Variants in OR2C1 observed in about 807,000 individuals in gnomAD.
OR2C1 encodes olfactory receptor family 2 subfamily C member 1.
For missense variants in OR2C1, 468 were observed against 388.3 expected (o/e 1.21, Z -1.73); for synonymous variants, 209 against 167.3 (o/e 1.25, Z -1.92).
the OR2C1 span, among the ~76,000 whole-genome samples, chr16:3,328,464 C>G: frequency 1.3e-5 from 2 of 152,226 alleles, no homozygotes; most frequent in Non-Finnish European, 2.9e-5. Flanking sequence ...TGTGCTCATT[C>G]ATTCATTCAA....
At chr16:3,325,480 TATATATATATATATATATATATATAC>T in the OR2C1 span, among the ~76,000 whole-genome samples, 2 of 58,072 alleles carry the variant, frequency 3.4e-5, no homozygotes, top group East Asian at 1.0e-3. Context: ...TATATATATA[TATATATATATATATATATATATATAC>T]ACTTTAAAAA....
the OR2C1 span, among the ~76,000 whole-genome samples, chr16:3,326,120 A>G: frequency 1.3e-5 from 2 of 151,768 alleles, no homozygotes; most frequent in African/African-American, 2.4e-5. Context: ...TAGTAGAGAC[A>G]GGGTTTCACC....
the OR2C1 span, among the ~76,000 whole-genome samples, chr16:3,325,125 G>A: frequency 6.6e-6 from 1 of 151,952 alleles, no homozygotes; most frequent in South Asian, 2.1e-4. Context: ...GGGATTACAG[G>A]CACCTGCCAC....
upstream of OR2C1, among the ~76,000 whole-genome samples, chr16:3,353,432 AGTGAGCCGAG>A (rs2030605439): frequency 1.4e-5 from 2 of 145,172 alleles, no homozygotes; most frequent in African/African-American, 5.1e-5. Flanking sequence ...TGGAGGTTGC[AGTGAGCCGAG>A]ATCCCGCCAC....
chr16:3,339,963 A>C, the OR2C1 span, among the ~76,000 whole-genome samples: 1 of 152,024 alleles, frequency 6.6e-6, no homozygotes, highest in East Asian at 1.9e-4. Context: ...GGAAATTTCT[A>C]TCCAAGTATT....
At chr16:3,334,306 T>C in the OR2C1 span, among the ~76,000 whole-genome samples, 1 of 129,134 alleles carries the variant, frequency 7.7e-6, no homozygotes, top group African/African-American at 2.6e-5. Flanking sequence ...CCCAGCTAAT[T>C]TTTGTATTTT....
the OR2C1 span, among the ~76,000 whole-genome samples, chr16:3,328,029 T>C: frequency 6.6e-6 from 1 of 152,242 alleles, no homozygotes; most frequent in Non-Finnish European, 1.5e-5. Flanking sequence ...CCTATTCTAC[T>C]TTCTTCCTCA....
the OR2C1 span, among the ~76,000 whole-genome samples, chr16:3,343,616 G>T: frequency 6.6e-6 from 1 of 152,132 alleles, no homozygotes; most frequent in Admixed American, 6.5e-5. Context: ...GCCAGGTGTG[G>T]TGGTGGGCGC....
the OR2C1 span, among the ~76,000 whole-genome samples, chr16:3,349,656 CA>C: frequency 2.6e-5 from 4 of 151,848 alleles, no homozygotes; most frequent in Non-Finnish European, 4.4e-5. Context: ...GAGAGGCGAA[CA>C]GGGGGGAAAA....
chr16:3,344,727 C>G, the OR2C1 span, among the ~76,000 whole-genome samples: 6 of 151,176 alleles, frequency 4.0e-5, no homozygotes, highest in Admixed American at 1.3e-4. Flanking sequence ...GACTCTGTCT[C>G]AAAAAAAAAA....
rs1013148040 is a variant in OR2C1, at chr16:3,356,135, C to A, written c.195C>A (p.Asn65Lys). ...LHTPMYFFLS[N>K]LSSLDLAFAT... ...CACCCATGTACTTCTTCCTCAGCAA[C>A]CTCTCCTCCTTGGACCTTGCTTTCG... The change falls in exon 1 of 1, where the codon AAC (asparagine) becomes AAA (lysine). Residue 65 changes from asparagine to lysine, a missense_variant. Coordinates refer to ENST00000304936, the MANE Select transcript of OR2C1 (RefSeq NM_012368.3). The A allele has an allele frequency of 1.9e-6, 3 of 1,614,244 alleles. No homozygotes were observed. The highest frequency in any genetic ancestry group is 1.3e-5 in the African/African-American group (1 of 75,064).
the OR2C1 span, chr16:3,323,119 C>A: frequency 3.4e-5 from 18 of 528,988 alleles, no homozygotes; most frequent in African/African-American, 3.4e-4. Context: ...TAAAAAAAAT[C>A]TCAAAAAAAC....
chr16:3,356,976 T>A lies in OR2C1; in HGVS notation c.*97T>A, dbSNP rs1367214453. 3 of 1,090,570 alleles carry A rather than the reference T, an allele frequency of 2.8e-6. No homozygotes were observed. In the African/African-American group the frequency reaches 4.8e-5, roughly 17 times the overall value. The allele number at this position is 1,090,570 out of a possible 1,614,324, so 67.6% of individuals were successfully genotyped here. On this transcript the variant is annotated 3_prime_UTR_variant, in exon 1 of 1. Transcript: ENST00000304936. ...TGAACATGAGGAATACTAATTCCGG[T>A]AAAACCAAGGCATGTTCCTGACAGC...
the OR2C1 span, among the ~76,000 whole-genome samples, chr16:3,337,659 A>G: frequency 2.0e-5 from 3 of 151,860 alleles, no homozygotes; most frequent in African/African-American, 7.3e-5. Flanking sequence ...TTCCTGTATT[A>G]TCTTGATGAC....
At chr16:3,347,720 C>A in the OR2C1 span, among the ~76,000 whole-genome samples, 1 of 152,148 alleles carries the variant, frequency 6.6e-6, no homozygotes, top group Middle Eastern at 3.4e-3. Flanking sequence ...CATGTGAGAA[C>A]CTGCAAATCT....
chr16:3,332,807 A>C, the OR2C1 span, among the ~76,000 whole-genome samples: 1 of 151,524 alleles, frequency 6.6e-6, no homozygotes, highest in South Asian at 2.1e-4. Flanking sequence ...GTTTCACATT[A>C]TGGCTTTTAT....
rs778108143 is a variant in OR2C1, at chr16:3,356,906, G to T, written c.*27G>T. ...AGAACACTCCTTCGTTATTTATTGCGTCTTCATCTCTACATGCGTTTCTCA... is the reference window on the plus strand; with the variant it reads ...AGAACACTCCTTCGTTATTTATTGCTTCTTCATCTCTACATGCGTTTCTCA... On this transcript the variant is annotated 3_prime_UTR_variant, in exon 1 of 1. Transcript: ENST00000304936. 5 of 1,492,964 alleles carry T rather than the reference G, an allele frequency of 3.3e-6. No individual in the cohort carries two copies. The highest frequency in any genetic ancestry group is 4.5e-6 in the Non-Finnish European group (5 of 1,109,892). 92.5% of individuals were successfully genotyped at this position (1,492,964 alleles called of 1,614,324 possible).
upstream of OR2C1, among the ~76,000 whole-genome samples, chr16:3,354,907 G>A (rs1214283186): frequency 6.6e-6 from 1 of 152,060 alleles, no homozygotes; most frequent in African/African-American, 2.4e-5. Flanking sequence ...TGGGATTACA[G>A]GTGTGAGCCA....
In OR2C1 at chr16:3,355,946, C is replaced by G. The variant is rs138160821; in HGVS notation, c.6C>G (p.Asp2Glu). Reference sequence around the variant, plus strand: ...GTGACTGAAGACAACCAGTGATGGACGGGGTGAATGATAGCTCCTTGCAGG... The same window carrying G: ...GTGACTGAAGACAACCAGTGATGGAGGGGGTGAATGATAGCTCCTTGCAGG... The part of the protein sequence containing the change: M[D>E]GVNDSSLQGF... The change falls in exon 1 of 1, where the codon GAC becomes GAG. Residue 2 changes from aspartate (D) to glutamate (E), a missense_variant. Asp to Glu is a conservative substitution (Grantham distance 45). Transcript: ENST00000304936. The G allele has an allele frequency of 3.4e-4, 541 of 1,600,772 alleles. 2 individuals are homozygous for G. Among genetic ancestry groups the G allele is most frequent in the Middle Eastern group, 1.7e-4 (1 of 5,934 alleles).
Sources: allele counts gnomAD v4.1 joint callset (sites outside exome capture counted in the v4.1 genomes callset), GRCh38; gene constraint gnomAD v4.1.1; transcripts MANE v1.5; gene names NCBI Gene and HGNC (gene_info 2026-07-23, HGNC 2026-07-21).